EXOC1: variants seen among roughly 807,000 people sequenced by gnomAD.
EXOC1 encodes the protein SEC3-like 1.
EXOC1 carries 67 observed loss-of-function variants against 107.7 expected under a neutral mutation model. That is an observed-to-expected ratio of 0.62 (90% confidence interval 0.51 to 0.76). The LOEUF is 0.76. Ranked by LOEUF, EXOC1 falls within the 30% of genes least tolerant of loss-of-function variation. The probability of loss-of-function intolerance (pLI) is 0.00; values close to 1 mark genes in which losing one functional copy is unlikely to be tolerated. For missense variants in EXOC1, 833 were observed against 1,055.7 expected, an observed-to-expected ratio of 0.79 and a Z score of 2.92; for synonymous variants, 348 against 353.5, an observed-to-expected ratio of 0.98 and a Z score of 0.17.
chr4:55,864,343 G>A lies in EXOC1; in HGVS notation c.372G>A (p.Arg124=). The A allele has an allele frequency of 6.2e-7, 1 of 1,610,456 alleles. No homozygotes were observed. Among genetic ancestry groups the A allele is most frequent in the South Asian group, 1.1e-5 (1 of 89,698 alleles). Residue 124 remains arginine (R), a synonymous_variant, in exon 4 of 19, where the codon CGG becomes CGA. Coordinates refer to ENST00000381295, the MANE Select transcript of EXOC1 (RefSeq NM_001024924.2). ...CIWKLNQRYL[R]KKIDFVNVSS... ...GGAAATTGAATCAGCGATATCTCCG[G>A]AAGAAAATTGATTTTGTCAATGTTA...
At chr4:55,889,947 C>A (rs905843186) in intron 11 of EXOC1, among the ~76,000 whole-genome samples, 3 of 152,186 alleles carry the variant, frequency 2.0e-5, no homozygotes, top group East Asian at 1.9e-4. Context: ...ATGAAATGGG[C>A]AGGTTATAGA....
At chr4:55,878,208 G>T in intron 9 of EXOC1, 142 bp downstream of exon 9, 1 of 926,472 alleles carries the variant, frequency 1.1e-6, no homozygotes, top group Non-Finnish European at 1.6e-6. Flanking sequence ...CTTTACCAGT[G>T]ATAACATTCA....
intron 4 of EXOC1, chr4:55,867,010 A>G (rs903017971): frequency 4.1e-5 from 17 of 418,250 alleles, no homozygotes; most frequent in South Asian, 4.0e-4. Flanking sequence ...TTAAAAATCT[A>G]CATAGTAATA....
intron 15 of EXOC1, among the ~76,000 whole-genome samples, chr4:55,894,349 C>G (rs372788797): frequency 5.3e-5 from 8 of 151,048 alleles, no homozygotes; most frequent in Non-Finnish European, 8.8e-5. Flanking sequence ...AAAAATCTAC[C>G]GAATCACTGA....
At chr4:55,887,327 G>T (rs373371389) in intron 10 of EXOC1, among the ~76,000 whole-genome samples, 9 of 152,024 alleles carry the variant, frequency 5.9e-5, no homozygotes, top group Non-Finnish European at 1.0e-4. Flanking sequence ...TGAATACAAT[G>T]CTGAATTCAG....
intron 9 of EXOC1, among the ~76,000 whole-genome samples, chr4:55,879,556 A>G (rs754460793): frequency 6.6e-6 from 1 of 152,070 alleles, no homozygotes; most frequent in African/African-American, 2.4e-5. Flanking sequence ...GGGAGGGGAG[A>G]TGGTAGACTT....
intron 9 of EXOC1, among the ~76,000 whole-genome samples, chr4:55,880,539 A>G (rs967168475): frequency 5.9e-5 from 9 of 152,162 alleles, no homozygotes; most frequent in African/African-American, 2.2e-4. Context: ...AGGAGGATTA[A>G]TATTCTGAAT....
intron 11 of EXOC1, among the ~76,000 whole-genome samples, chr4:55,889,757 A>G (rs1724298787): frequency 6.6e-6 from 1 of 152,148 alleles, no homozygotes; most frequent in Non-Finnish European, 1.5e-5. Context: ...GTTCAACCTA[A>G]TATATTGATT....
intron 1 of EXOC1, among the ~76,000 whole-genome samples, chr4:55,857,814 G>A (rs1721139602): frequency 1.3e-5 from 2 of 152,062 alleles, no homozygotes; most frequent in African/African-American, 2.4e-5. Flanking sequence ...ATTTTCTATC[G>A]TTTTTATTTT....
intron 10 of EXOC1, among the ~76,000 whole-genome samples, chr4:55,887,733 A>G (rs1399384738): frequency 6.6e-6 from 1 of 151,980 alleles, no homozygotes; most frequent in Non-Finnish European, 1.5e-5. Flanking sequence ...CTCAAAAAAA[A>G]AAAAAAAAGG....
At chr4:55,884,152 T>C (rs541884682) in intron 10 of EXOC1, among the ~76,000 whole-genome samples, 34 of 152,338 alleles carry the variant, frequency 2.2e-4, no homozygotes, top group Non-Finnish European at 4.9e-4. Context: ...TGACAGCGAT[T>C]GTGTATTCAT....
intron 18 of EXOC1, among the ~76,000 whole-genome samples, chr4:55,903,129 G>T (rs1367976267): frequency 1.4e-5 from 2 of 141,436 alleles, no homozygotes; most frequent in African/African-American, 5.4e-5. Context: ...ACGCAACAGA[G>T]TGAGGCCGTG....
chr4:55,889,406 CT>C (rs2109448729), intron 11 of EXOC1, among the ~76,000 whole-genome samples: 2 of 152,182 alleles, frequency 1.3e-5, no homozygotes, highest in East Asian at 3.9e-4. Flanking sequence ...ATCACATTTT[CT>C]TCTAAAAATC....
intron 9 of EXOC1, among the ~76,000 whole-genome samples, chr4:55,880,880 T>C (rs578151044): frequency 6.6e-6 from 1 of 152,144 alleles, no homozygotes; most frequent in South Asian, 2.1e-4. Context: ...AGATTATGTA[T>C]TTTTACCTCA....
intron 8 of EXOC1, among the ~76,000 whole-genome samples, chr4:55,873,024 C>T (rs1560339933): frequency 6.6e-6 from 1 of 151,998 alleles, no homozygotes; most frequent in African/African-American, 2.4e-5. Context: ...TTCTTTCTGT[C>T]ATTTTTTCAC....
intron 15 of EXOC1, among the ~76,000 whole-genome samples, chr4:55,895,761 C>A (rs1277560229): frequency 2.6e-5 from 4 of 152,114 alleles, no homozygotes; most frequent in East Asian, 1.9e-4. Context: ...TGAAACATTT[C>A]TTTCGCATTT....
rs1353454894 is a variant in EXOC1, at chr4:55,854,146, C to T, written c.-11+193C>T. Among the ~76,000 whole-genome samples the T allele has an allele frequency of 2.0e-5, 3 of 152,230 alleles. No individual in the cohort carries two copies. The East Asian group carries it at 5.8e-4, about 29-fold the overall frequency. Reference sequence around the variant, plus strand: ...GAGAGGAGAGCGTGACTGTGCCTTCCTCTTTGTCCAAATTCACATCCCGGC... The same window carrying T: ...GAGAGGAGAGCGTGACTGTGCCTTCTTCTTTGTCCAAATTCACATCCCGGC... On this transcript the variant is annotated intron_variant, in intron 1 of 18. Transcript: ENST00000381295.
intron 10 of EXOC1, among the ~76,000 whole-genome samples, chr4:55,886,075 T>C (rs925325144): frequency 6.6e-6 from 1 of 152,220 alleles, no homozygotes; most frequent in Non-Finnish European, 1.5e-5. Flanking sequence ...TGGTATTCAG[T>C]AAATTACATG....
intron 3 of EXOC1, among the ~76,000 whole-genome samples, chr4:55,863,062 G>A (rs573324690): frequency 7.4e-4 from 113 of 152,046 alleles, no homozygotes; most frequent in South Asian, 1.7e-3. Context: ...CACTACACCC[G>A]GCTAATTTTT....
Sources: gnomAD v4.1 joint callset for allele counts (sites outside exome capture counted in the v4.1 genomes callset) on GRCh38, gnomAD v4.1.1 for gene constraint, MANE v1.5 for transcripts, NCBI Gene and HGNC (gene_info 2026-07-23, HGNC 2026-07-21) for gene names.